KIF9: variants seen among roughly 807,000 people sequenced by gnomAD.
The protein encoded by KIF9 is kinesin-like protein KIF9.
Under a neutral mutation model 94.8 loss-of-function variants are expected in KIF9, and 68 were observed. That is an observed-to-expected ratio of 0.72 (90% CI 0.59 to 0.88). KIF9 has a LOEUF of 0.88. KIF9 is among the 40% of genes least tolerant of loss of function. The pLI, the probability that KIF9 is intolerant of heterozygous loss-of-function variation, is 0.00. For synonymous variants in KIF9, 343 were observed against 362.1 expected, an observed-to-expected ratio of 0.95 and a Z score of 0.60; for missense variants, 882 against 982.5, an observed-to-expected ratio of 0.90 and a Z score of 1.37.
intron 9 of KIF9, among the ~76,000 whole-genome samples, chr3:47,261,226 A>C (rs1268014314): frequency 1.3e-5 from 2 of 152,140 alleles, no homozygotes; most frequent in African/African-American, 4.8e-5. Flanking sequence ...ATTATTTGCA[A>C]AATAGGTAAA....
intron 10 of KIF9, 22 bp from the exon 11 acceptor site, chr3:47,248,108 T>C: frequency 6.3e-7 from 1 of 1,593,510 alleles, no homozygotes; most frequent in Non-Finnish European, 8.6e-7. Context: ...CATGGTAGGG[T>C]GGGGGCCGAC....
chr3:47,234,872 T>C (rs866433900), intron 20 of KIF9, among the ~76,000 whole-genome samples: 8 of 152,340 alleles, frequency 5.3e-5, no homozygotes, highest in Middle Eastern at 6.8e-3. Context: ...TTTCATGCTT[T>C]CTTAATGTTT....
At chr3:47,239,436 T>C in intron 17 of KIF9, 1 of 403,832 alleles carries the variant, frequency 2.5e-6, no homozygotes, top group Non-Finnish European at 3.5e-6. Context: ...GGGGTATGTC[T>C]ATAGCCACCA....
intron 16 of KIF9, among the ~76,000 whole-genome samples, chr3:47,242,743 A>C (rs1170641622): frequency 3.3e-5 from 5 of 152,256 alleles, no homozygotes. Context: ...ATATTCTTTC[A>C]TACTTTAAAA....
chr3:47,255,656 G>C (rs138494201), intron 10 of KIF9, among the ~76,000 whole-genome samples: 128 of 152,238 alleles, frequency 8.4e-4, no homozygotes, highest in African/African-American at 2.8e-3. Context: ...TTCTGATTCT[G>C]CCAGTCTAGG....
At chr3:47,265,688 G>A (rs377328901) in intron 8 of KIF9, 42 bp downstream of exon 8, 3 of 1,603,912 alleles carry the variant, frequency 1.9e-6, no homozygotes, top group Non-Finnish European at 2.6e-6. Flanking sequence ...CCTCCCCAAA[G>A]ACACAGACCC....
intron 10 of KIF9, among the ~76,000 whole-genome samples, chr3:47,255,538 G>C (rs1700517543): frequency 6.6e-6 from 1 of 152,046 alleles, no homozygotes; most frequent in African/African-American, 2.4e-5. Context: ...CCATGGTTTG[G>C]AGACTGGGGA....
rs371310136 is a variant in KIF9, at chr3:47,267,284, A to T, written c.592-21T>A. 4.9e-5 allele frequency: 77 copies of T among 1,568,380 alleles called. No individual in the cohort carries two copies. In the African/African-American group the frequency reaches 9.1e-4, roughly 18 times the overall value. ...TCACCCTGAAGAGGAAGGGAATCAT[A>T]GGCAACATTTCGAAAAACTAAAACG... On this transcript the variant is annotated intron_variant, in intron 5 of 20. Coordinates refer to ENST00000684063, the MANE Select transcript of KIF9 (RefSeq NM_182902.4).
chr3:47,244,992 TG>T, intron 14 of KIF9, 68 bp from the exon 15 acceptor site: 1 of 1,590,642 alleles, frequency 6.3e-7, no homozygotes, highest in African/African-American at 1.3e-5. Flanking sequence ...GGGACCCACA[TG>T]TATATGGCCC....
At chr3:47,240,160 C>A (rs1413855125) in intron 17 of KIF9, 6 of 281,286 alleles carry the variant, frequency 2.1e-5, no homozygotes, top group Non-Finnish European at 2.9e-5. Flanking sequence ...GCGGCGCACG[C>A]CACCAGGACA....
intron 17 of KIF9, among the ~76,000 whole-genome samples, chr3:47,237,949 A>G (rs1183203905): frequency 6.6e-6 from 1 of 152,180 alleles, no homozygotes; most frequent in Non-Finnish European, 1.5e-5. Context: ...ACAATCCTTT[A>G]CAGAGTAGAG....
chr3:47,275,230 A>G (rs1286281351), intron 3 of KIF9, 95 bp downstream of exon 3: 1 of 934,188 alleles, frequency 1.1e-6, no homozygotes, highest in Non-Finnish European at 1.6e-6. Context: ...CATACAAATG[A>G]TAGTGAGTGA....
chr3:47,263,677 A>G, intron 9 of KIF9: 1 of 355,890 alleles, frequency 2.8e-6, no homozygotes, highest in Non-Finnish European at 5.5e-6. Flanking sequence ...AGCTTCAGGA[A>G]AAGTTCCCCA....
intron 17 of KIF9, 43 bp downstream of exon 17, chr3:47,240,758 C>T (rs779315330): frequency 6.5e-7 from 1 of 1,547,038 alleles, no homozygotes; most frequent in African/African-American, 1.4e-5. Context: ...CAGCATGACT[C>T]TGAGACCCCA....
intron 5 of KIF9, among the ~76,000 whole-genome samples, chr3:47,270,958 G>A (rs531020327): frequency 7.4e-6 from 1 of 135,956 alleles, no homozygotes; most frequent in South Asian, 2.3e-4. Flanking sequence ...GGGCAACATG[G>A]CCAGACCTTG....
At chr3:47,278,514 C>G (rs774450120) in intron 1 of KIF9, among the ~76,000 whole-genome samples, 1 of 152,064 alleles carries the variant, frequency 6.6e-6, no homozygotes, top group Non-Finnish European at 1.5e-5. Flanking sequence ...AGACTACAGG[C>G]GCATGGCTTG....
At chr3:47,271,087 T>G in intron 5 of KIF9, 150 bp downstream of exon 5, 2 of 624,202 alleles carry the variant, frequency 3.2e-6, no homozygotes, top group Non-Finnish European at 2.8e-6. Flanking sequence ...GAGGCTGCAG[T>G]GAGCCATGTT....
chr3:47,245,017 G>A, intron 14 of KIF9, 93 bp from the exon 15 acceptor site: 1 of 1,503,610 alleles, frequency 6.7e-7, no homozygotes, highest in South Asian at 1.2e-5. Context: ...GCTCAGGGTG[G>A]ACATGTTCAC....
chr3:47,247,167 C>T (rs992417013), intron 12 of KIF9, among the ~76,000 whole-genome samples: 4 of 152,202 alleles, frequency 2.6e-5, no homozygotes, highest in African/African-American at 9.7e-5. Flanking sequence ...AGCTGGGATT[C>T]AATCCTAGAA....
Sources: allele counts gnomAD v4.1 joint callset (sites outside exome capture counted in the v4.1 genomes callset), GRCh38; gene constraint gnomAD v4.1.1; transcripts MANE v1.5; gene names NCBI Gene and HGNC (gene_info 2026-07-23, HGNC 2026-07-21).